Variants in USH2A observed in about 807,000 individuals in gnomAD.
USH2A encodes Usher syndrome 2A (autosomal recessive, mild).
In USH2A, 443 loss-of-function variants were observed where a neutral mutation model predicts 538.9. That is an observed-to-expected ratio of 0.82 (90% CI 0.76 to 0.89). The LOEUF (loss-of-function observed/expected upper bound fraction) is 0.89, where lower values mean the gene tolerates loss of function less well. Among genes scored for constraint, USH2A ranks in the 40% least tolerant of loss-of-function variants. The pLI is 0.00. For missense variants in USH2A, 6,633 were observed against 6,324.8 expected, an observed-to-expected ratio of 1.05 and a Z score of -1.65; for synonymous variants, 2,413 against 2,273.5, an observed-to-expected ratio of 1.06 and a Z score of -1.75.
intron 21 of USH2A, among the ~76,000 whole-genome samples, chr1:216,139,847 T>C (rs1469412760): frequency 3.9e-5 from 6 of 152,216 alleles, no homozygotes. Context: ...GGTTATATAT[T>C]TGTATTGCCT....
chr1:216,043,778 A>G lies in USH2A; in HGVS notation c.6325+2653T>C, dbSNP rs529027885. Among the ~76,000 whole-genome samples the G allele has an allele frequency of 3.9e-5, 6 of 152,118 alleles. No individual in the cohort carries two copies. The South Asian group carries it at 8.3e-4, about 21-fold the overall frequency. ...TGTAACCTCATATGGAGTTCTGTAC[A>G]TTTTGGAAAGAGTCAAGGCCCACAG... On this transcript the variant is annotated intron_variant, in intron 32 of 71. Transcript: ENST00000307340.
At chr1:215,791,155 AAATT>A (rs1212515480) in intron 50 of USH2A, among the ~76,000 whole-genome samples, 1 of 152,268 alleles carries the variant, frequency 6.6e-6, no homozygotes, top group Non-Finnish European at 1.5e-5. Flanking sequence ...AAGCAGGAAT[AAATT>A]AACACTACTC....
At position 216,175,241 on chromosome 1, in the gene USH2A, A is replaced by T. The variant is rs1458293291; in HGVS notation, c.4627+11T>A. 2 of 1,613,568 alleles carry T rather than the reference A, an allele frequency of 1.2e-6. No homozygotes were observed. The highest frequency in any genetic ancestry group is 3.3e-5 in the Admixed American group (2 of 59,980). ...GTGTCTCCTAAATAAAGCAATGTCA[A>T]ACACACTTACCAGTGAAGTCTGTAT... is the stretch of plus-strand genomic sequence containing the variant. On this transcript the variant is annotated intron_variant, in intron 21 of 71. Coordinates refer to ENST00000307340, the MANE Select transcript of USH2A (RefSeq NM_206933.4).
At chr1:216,350,008 T>C (rs2038250326) in intron 4 of USH2A, among the ~76,000 whole-genome samples, 1 of 152,156 alleles carries the variant, frequency 6.6e-6, no homozygotes, top group African/African-American at 2.4e-5. Flanking sequence ...CTAATATCTG[T>C]TTGGCTTCTG....
chr1:215,993,095 C>T lies in USH2A; in HGVS notation c.6730G>A (p.Val2244Met), dbSNP rs550772689. Reference protein sequence around the residue: ...ALTDEDIPEGVPAPKAHSYSP... With the variant: ...ALTDEDIPEGMPAPKAHSYSP... ...TATGAGTGGGCTTTGGGGGCTGGCACGCCTTCGGGTATGTCCTCGTCAGTT... is the reference window on the plus strand; with the variant it reads ...TATGAGTGGGCTTTGGGGGCTGGCATGCCTTCGGGTATGTCCTCGTCAGTT... The change falls in exon 35 of 72, where the codon GTG (valine) becomes ATG (methionine). Residue 2244 changes from valine (V) to methionine (M), a missense_variant. Val to Met is a conservative substitution (Grantham distance 21). Transcript: ENST00000307340. 2.2e-4 allele frequency: 353 copies of T among 1,614,066 alleles called. 2 individuals are homozygous for T. The South Asian group carries it at 3.4e-3, about 16-fold the overall frequency.
At chr1:215,665,345 A>T (rs1461877760) in intron 64 of USH2A, among the ~76,000 whole-genome samples, 1 of 152,228 alleles carries the variant, frequency 6.6e-6, no homozygotes, top group Non-Finnish European at 1.5e-5. Context: ...TCAGTCACCC[A>T]GTCATGAGGC....
chr1:215,782,179 T>C lies in USH2A; in HGVS notation c.10603A>G (p.Ile3535Val), dbSNP rs763734089. 2.5e-6 allele frequency: 4 copies of C among 1,613,864 alleles called. No homozygotes were observed. The highest frequency in any genetic ancestry group is 3.3e-4 in the Middle Eastern group (2 of 6,060). ...IQSNGPIIYY[I>V]LLRNGIERFR... ...CGTTCAATTCCATTTCGAAGAAGGA[T>C]GTAGTAAATAATAGGACCTAAAAGA... is the stretch of plus-strand genomic sequence containing the variant. The change falls in exon 54 of 72, where the codon ATC becomes GTC. Residue 3535 changes from isoleucine to valine, a missense_variant. Transcript: ENST00000307340.
At position 215,625,755 on chromosome 1, in the gene USH2A, G is replaced by A. The variant is rs1441956993; in HGVS notation, c.*26C>T. 3.7e-6 allele frequency: 6 copies of A among 1,610,302 alleles called. No individual in the cohort carries two copies. Among genetic ancestry groups the A allele is most frequent in the Non-Finnish European group, 4.2e-6 (5 of 1,176,692 alleles). On this transcript the variant is annotated 3_prime_UTR_variant, in exon 72 of 72. Coordinates refer to ENST00000307340, the MANE Select transcript of USH2A (RefSeq NM_206933.4). ...AATGGGTGCAGACCTTGCATTCCAGGGTTACGTCTTCTGGGTTTCCATCCT... is the reference window on the plus strand; with the variant it reads ...AATGGGTGCAGACCTTGCATTCCAGAGTTACGTCTTCTGGGTTTCCATCCT...
chr1:216,239,365 A>G (rs973011127), intron 13 of USH2A, among the ~76,000 whole-genome samples: 75 of 152,316 alleles, frequency 4.9e-4, no homozygotes, highest in Middle Eastern at 3.4e-3. Context: ...ACCTAAAAAC[A>G]GGAGAATGCC....
At chr1:216,167,619 G>C (rs1239909211) in intron 21 of USH2A, among the ~76,000 whole-genome samples, 1 of 152,044 alleles carries the variant, frequency 6.6e-6, no homozygotes, top group African/African-American at 2.4e-5. Context: ...AGGGGAGAAG[G>C]GACGCAAGAC....
chr1:215,892,771 A>G (rs1665240634), intron 40 of USH2A, among the ~76,000 whole-genome samples: 1 of 152,216 alleles, frequency 6.6e-6, no homozygotes, highest in African/African-American at 2.4e-5. Flanking sequence ...CCTGACTCTG[A>G]TAAAAAAGGA....
chr1:216,021,223 C>G (rs993483106), intron 32 of USH2A, among the ~76,000 whole-genome samples: 4 of 152,252 alleles, frequency 2.6e-5, no homozygotes, highest in African/African-American at 9.6e-5. Flanking sequence ...TGTCCCTGCC[C>G]AGATCTCATC....
At chr1:216,224,199 C>A (rs76123819) in intron 14 of USH2A, among the ~76,000 whole-genome samples, 1 of 152,002 alleles carries the variant, frequency 6.6e-6, no homozygotes, top group Non-Finnish European at 1.5e-5. Context: ...TGTGGGGTAC[C>A]AGATGAACTG....
intron 21 of USH2A, among the ~76,000 whole-genome samples, chr1:216,164,556 A>G (rs2034129676): frequency 6.6e-6 from 1 of 152,134 alleles, no homozygotes; most frequent in Admixed American, 6.6e-5. Flanking sequence ...AGTTAGGTTT[A>G]TAAGTACACA....
rs546464406 is a variant in USH2A at position 215,706,836 on chromosome 1, C to G, written c.12066+21194G>C. Among the ~76,000 whole-genome samples, 10 of 152,258 alleles carry G rather than the reference C, an allele frequency of 6.6e-5. No homozygotes were observed. The East Asian group carries it at 1.9e-3, about 29-fold the overall frequency. On this transcript the variant is annotated intron_variant, in intron 61 of 71. Coordinates refer to ENST00000307340, the MANE Select transcript of USH2A (RefSeq NM_206933.4). ...ATATCTATTGACTCAAGCTTATTAACTTGTAAATCCTCTAGTTTTAGATTA... is the reference window on the plus strand; with the variant it reads ...ATATCTATTGACTCAAGCTTATTAAGTTGTAAATCCTCTAGTTTTAGATTA...
chr1:215,981,242 C>A (rs972066270), intron 35 of USH2A, among the ~76,000 whole-genome samples: 1 of 152,006 alleles, frequency 6.6e-6, no homozygotes, highest in Non-Finnish European at 1.5e-5. Context: ...TGTGAAATGA[C>A]TTTTCAGATG....
At chr1:215,802,894 A>G (rs1224462483) in intron 49 of USH2A, among the ~76,000 whole-genome samples, 1 of 152,156 alleles carries the variant, frequency 6.6e-6, no homozygotes, top group Non-Finnish European at 1.5e-5. Context: ...AATGAATACA[A>G]AAGTGTTATA....
intron 61 of USH2A, among the ~76,000 whole-genome samples, chr1:215,719,360 G>GAAAAAAAAAAAAAA (rs1398548558): frequency 4.9e-5 from 1 of 20,258 alleles, no homozygotes; most frequent in African/African-American, 2.2e-4. Context: ...AACCTCAGGA[G>GAAAAAAAAAAAAAA]ACAAAAAAAA....
rs534514955 is a variant in USH2A at position 216,098,765 on chromosome 1, C to T, written c.4628-1552G>A. Among the ~76,000 whole-genome samples the T allele has an allele frequency of 3.7e-4, 56 of 152,134 alleles. No homozygotes were observed. In the Middle Eastern group the frequency reaches 0.02, roughly 55 times the overall value. The stretch of plus-strand genomic sequence containing the variant: ...AAAAGACAATTAAAAAAATGTAATG[C>T]AATGTGATAAATGGTATAGGGATGT... On this transcript the variant is annotated intron_variant, in intron 21 of 71. Transcript: ENST00000307340.
Sources: gnomAD v4.1 joint callset for allele counts (sites outside exome capture counted in the v4.1 genomes callset) on GRCh38, gnomAD v4.1.1 for gene constraint, MANE v1.5 for transcripts, NCBI Gene and HGNC (gene_info 2026-07-23, HGNC 2026-07-21) for gene names.